Variants in ROBO2 observed in about 807,000 individuals in gnomAD.
ROBO2 encodes roundabout guidance receptor 2.
ROBO2 carries 53 observed loss-of-function variants against 160.8 expected under a neutral mutation model. The observed-to-expected ratio is 0.33, with a 90% CI of 0.26 to 0.41. ROBO2 has a LOEUF of 0.41. Among genes scored for constraint, ROBO2 ranks in the 10% least tolerant of loss-of-function variants. The probability of loss-of-function intolerance (pLI) is 1.00; values close to 1 mark genes in which losing one functional copy is unlikely to be tolerated. For missense variants in ROBO2, 1,577 were observed against 1,722.4 expected (o/e 0.92, Z 1.49); for synonymous variants, 664 against 611.7 (o/e 1.09, Z -1.26).
At chr3:77,245,820 C>G (rs1004361714) in intron 2 of ROBO2, among the ~76,000 whole-genome samples, 1 of 152,114 alleles carries the variant, frequency 6.6e-6, no homozygotes, top group Non-Finnish European at 1.5e-5. Context: ...TTAAGTGAGA[C>G]TTGGGATAGA....
chr3:76,903,666 G>A (rs1279293110), intron 2 of ROBO2, among the ~76,000 whole-genome samples: 2 of 152,108 alleles, frequency 1.3e-5, no homozygotes, highest in African/African-American at 4.8e-5. Context: ...AATAGGCATA[G>A]CCCAATTCAG....
intron 2 of ROBO2, among the ~76,000 whole-genome samples, chr3:76,570,806 T>C (rs1279793866): frequency 2.0e-5 from 3 of 152,184 alleles, no homozygotes; most frequent in East Asian, 1.9e-4. Context: ...TCTAGTTTTA[T>C]AGCCCTGCTC....
chr3:76,244,674 T>C (rs1705508660), intron 2 of ROBO2, among the ~76,000 whole-genome samples: 2 of 152,166 alleles, frequency 1.3e-5, no homozygotes, highest in South Asian at 4.1e-4. Context: ...AGTATTGGAC[T>C]GGACGTCAGG....
At chr3:76,203,217 C>T (rs1028653887) in intron 2 of ROBO2, among the ~76,000 whole-genome samples, 6 of 152,152 alleles carry the variant, frequency 3.9e-5, no homozygotes, top group South Asian at 2.1e-4. Context: ...TTGACTGATA[C>T]GGACTCCATC....
intron 2 of ROBO2, among the ~76,000 whole-genome samples, chr3:77,274,715 G>C (rs71322787): frequency 6.6e-6 from 1 of 151,960 alleles, no homozygotes; most frequent in Non-Finnish European, 1.5e-5. Flanking sequence ...AAACATTATC[G>C]TATACTTTGT....
At chr3:76,333,694 CT>C (rs2073663394) in intron 2 of ROBO2, among the ~76,000 whole-genome samples, 1 of 152,096 alleles carries the variant, frequency 6.6e-6, no homozygotes, top group Non-Finnish European at 1.5e-5. Flanking sequence ...CAAAAGAAGC[CT>C]AGCTTCATAG....
At chr3:77,103,505 C>A (rs1162860825) in intron 2 of ROBO2, among the ~76,000 whole-genome samples, 5 of 151,432 alleles carry the variant, frequency 3.3e-5, no homozygotes, top group African/African-American at 1.2e-4. Flanking sequence ...AAAATGACTA[C>A]ATGTTCAAAA....
At chr3:77,628,777 G>A (rs1281144518) in intron 23 of ROBO2, among the ~76,000 whole-genome samples, 6 of 152,162 alleles carry the variant, frequency 3.9e-5, no homozygotes, top group East Asian at 3.9e-4. Flanking sequence ...CTTGCCCTCC[G>A]TTTTGAAGGC....
rs763198995 is a variant in ROBO2, at chr3:77,644,859, G to A, written c.4090G>A (p.Gly1364Arg). ...CAATGCCAGCGACCTTCTTGACATAGGATATATGGGCTCCAACAGTCAAGG... is the reference window on the plus strand; with the variant it reads ...CAATGCCAGCGACCTTCTTGACATAAGATATATGGGCTCCAACAGTCAAGG... The change falls in exon 25 of 26, where the codon GGA becomes AGA. Residue 1364 changes from glycine (G) to arginine (R), a missense_variant. Physicochemically the swap from Gly to Arg is moderately radical, Grantham distance 125. Transcript: ENST00000461745. 2 of 1,613,902 alleles carry A rather than the reference G, an allele frequency of 1.2e-6. No homozygotes were observed. Among genetic ancestry groups the A allele is most frequent in the Non-Finnish European group, 1.7e-6 (2 of 1,179,992 alleles).
chr3:77,473,976 A>G (rs538702472), intron 2 of ROBO2, among the ~76,000 whole-genome samples: 2 of 152,182 alleles, frequency 1.3e-5, no homozygotes, highest in Admixed American at 1.3e-4. Context: ...CACAGGATGA[A>G]GTTGTTCTCC....
chr3:75,986,057 C>T (rs377040311), intron 2 of ROBO2, among the ~76,000 whole-genome samples: 2 of 151,566 alleles, frequency 1.3e-5, no homozygotes, highest in South Asian at 4.2e-4. Context: ...GGGTATATAC[C>T]TGGATTGGGG....
chr3:75,918,076 G>T (rs1244978384), intron 1 of ROBO2, among the ~76,000 whole-genome samples: 1 of 152,162 alleles, frequency 6.6e-6, no homozygotes, highest in Non-Finnish European at 1.5e-5. Flanking sequence ...TGTTTCCAGT[G>T]CTGTTGGTGT....
chr3:76,755,276 T>C (rs1416706548), intron 2 of ROBO2, among the ~76,000 whole-genome samples: 1 of 151,882 alleles, frequency 6.6e-6, no homozygotes, highest in Non-Finnish European at 1.5e-5. Context: ...TTCTAGATTC[T>C]AGATGTGCTG....
intron 2 of ROBO2, among the ~76,000 whole-genome samples, chr3:76,050,145 C>T (rs2067605624): frequency 6.6e-6 from 1 of 152,092 alleles, no homozygotes; most frequent in Non-Finnish European, 1.5e-5. Context: ...GACATAGAAC[C>T]ACCCTCAATC....
chr3:75,948,687 C>T (rs1201163463), intron 2 of ROBO2, among the ~76,000 whole-genome samples: 1 of 152,068 alleles, frequency 6.6e-6, no homozygotes, highest in East Asian at 1.9e-4. Context: ...TGTGGCCTTT[C>T]ATGAGCCCTG....
chr3:77,529,374 A>T (rs1363084019), intron 6 of ROBO2, among the ~76,000 whole-genome samples: 3 of 151,618 alleles, frequency 2.0e-5, no homozygotes, highest in African/African-American at 7.2e-5. Context: ...AATAGAAAGG[A>T]TGACAGTAGG....
chr3:76,220,390 G>C (rs1025312942), intron 2 of ROBO2, among the ~76,000 whole-genome samples: 1 of 151,922 alleles, frequency 6.6e-6, no homozygotes, highest in Non-Finnish European at 1.5e-5. Context: ...ATTAAGCGGT[G>C]TGGTCTTTTA....
At chr3:77,354,266 A>G (rs2068748701) in intron 2 of ROBO2, among the ~76,000 whole-genome samples, 1 of 152,142 alleles carries the variant, frequency 6.6e-6, no homozygotes, top group Non-Finnish European at 1.5e-5. Flanking sequence ...TCCAGTTTAC[A>G]CTGGAGTCCA....
intron 2 of ROBO2, among the ~76,000 whole-genome samples, chr3:75,999,410 C>T (rs2065819523): frequency 6.6e-6 from 1 of 152,102 alleles, no homozygotes; most frequent in African/African-American, 2.4e-5. Flanking sequence ...GTTTTAGGTT[C>T]ACAGCAAAAC....
Sources: gnomAD v4.1 joint callset for allele counts (sites outside exome capture counted in the v4.1 genomes callset) on GRCh38, gnomAD v4.1.1 for gene constraint, MANE v1.5 for transcripts, NCBI Gene and HGNC (gene_info 2026-07-23, HGNC 2026-07-21) for gene names.